Variants in BPIFB1 observed in about 807,000 individuals in gnomAD.
BPIFB1 encodes BPI fold-containing family B member 1.
Under a neutral mutation model 55.1 loss-of-function variants are expected in BPIFB1, and 34 were observed. The observed-to-expected ratio is 0.62, with a 90% CI of 0.47 to 0.82. The LOEUF (loss-of-function observed/expected upper bound fraction) is 0.82. BPIFB1 is among the 40% of genes least tolerant of loss of function. BPIFB1 has a pLI of 0.00. For synonymous variants in BPIFB1, 236 were observed against 245.3 expected (o/e 0.96, Z 0.35); for missense variants, 532 against 593.1 (o/e 0.90, Z 1.07).
intron 10 of BPIFB1, 98 bp from the exon 11 acceptor site, chr20:33,302,818 G>C: frequency 7.2e-7 from 1 of 1,389,980 alleles, no homozygotes; most frequent in Non-Finnish European, 1.0e-6. Flanking sequence ...TGAGGGAGCA[G>C]GGAGCCCAGG....
At position 33,309,819 on chromosome 20, in the gene BPIFB1, G is replaced by C; in HGVS notation, c.*52G>C. ...GGCTGGGTCCCAGCTGGGAGTATGG[G>C]TGTGAGCTCTATAGACCATCCCTCT... On this transcript the variant is annotated 3_prime_UTR_variant, in exon 16 of 16. Coordinates refer to ENST00000253354, the MANE Select transcript of BPIFB1 (RefSeq NM_033197.3). This position sits in a 1 kb window ranked among gnomAD's most constrained non-coding sequence, Gnocchi z 4.4. 6.6e-7 allele frequency: 1 copy of C among 1,504,016 alleles called. No homozygotes were observed. Among genetic ancestry groups the C allele is most frequent in the Non-Finnish European group, 9.2e-7 (1 of 1,081,112 alleles). 93.2% of individuals were successfully genotyped at this position (1,504,016 alleles called of 1,614,324 possible). A position where few individuals can be genotyped will look rare whatever the true frequency, so the allele number is the denominator to read the frequency against.
Position 33,304,871 on chromosome 20 carries a change from TC to T in BPIFB1, c.1235del (p.Ser412LeufsTer11). On this transcript the variant is annotated frameshift_variant, in exon 13 of 16. Coordinates refer to ENST00000253354, the MANE Select transcript of BPIFB1 (RefSeq NM_033197.3). LOFTEE classifies it high-confidence loss of function. Reference protein sequence around the residue: ...ISSDRIQLMNSGIGWFQPDVL... With the variant: ...ISSDRIQLMNXGIGWFQPDVL... ...CTCTGATCGGATCCAGCTGATGAAC[TC>T]TGGGATTGGCTGGTTCCAAGTAAGT... 6.2e-7 allele frequency: 1 copy of T among 1,614,170 alleles called. No individual in the cohort carries two copies. Among genetic ancestry groups the T allele is most frequent in the East Asian group, 2.2e-5 (1 of 44,882 alleles).
In BPIFB1 at chr20:33,301,409, T is replaced by C; in HGVS notation, c.924T>C (p.Ser308=). 1 of 1,613,152 alleles carries C rather than the reference T, an allele frequency of 6.2e-7. No homozygotes were observed. Residue 308 remains serine (S), a synonymous_variant, in exon 9 of 16, where the codon TCT becomes TCC. Coordinates refer to ENST00000253354, the MANE Select transcript of BPIFB1 (RefSeq NM_033197.3). ...SPEEFMVLLD[S]VLPESAHRLK... is the part of the protein sequence containing the mutation. ...AAGAATTCATGGTCCTGTTGGACTC[T>C]GTGGTAAACCTCAGCACAAGGCAGA...
rs200818724 is a variant in BPIFB1, at chr20:33,302,855, CAG to C, written c.982-58_982-57del. 206 of 1,590,168 alleles carry C rather than the reference CAG, an allele frequency of 1.3e-4. 1 individual carries two copies. The African/African-American group carries it at 1.9e-3, about 14-fold the overall frequency. ...AGGCAGGCAGGGGCCAGGCCACACA[CAG>C]AGCCTGTGGGCCATGGTGGGCACTT... On this transcript the variant is annotated intron_variant, in intron 10 of 15. Transcript: ENST00000253354.
chr20:33,289,435 G>A (rs1451724873), intron 3 of BPIFB1, among the ~76,000 whole-genome samples: 4 of 152,050 alleles, frequency 2.6e-5, no homozygotes, highest in African/African-American at 9.6e-5. Context: ...TGTCTGGGGT[G>A]GCACAGGGAA....
intron 6 of BPIFB1, among the ~76,000 whole-genome samples, chr20:33,294,940 C>T (rs977097088): frequency 6.6e-6 from 1 of 152,186 alleles, no homozygotes; most frequent in African/African-American, 2.4e-5. Context: ...TGAGGCCAGG[C>T]GCAGTGGCCC....
chr20:33,297,724 C>T, intron 7 of BPIFB1, 136 bp downstream of exon 7: 1 of 863,882 alleles, frequency 1.2e-6, no homozygotes. Context: ...AGACAAGCAT[C>T]AGTTGATCCC....
At position 33,297,560 on chromosome 20, in the gene BPIFB1, G is replaced by A. The variant is rs2146531317; in HGVS notation, c.633G>A (p.Met211Ile). ...TGATCGAGGCTTCCTTCAATGGCATGTATGCAGACCTCCTGCAGCTGGTGA... is the reference window on the plus strand; with the variant it reads ...TGATCGAGGCTTCCTTCAATGGCATATATGCAGACCTCCTGCAGCTGGTGA... Reference protein sequence around the residue: ...CPVIEASFNGMYADLLQLVKV... With the variant: ...CPVIEASFNGIYADLLQLVKV... The change falls in exon 7 of 16, where the codon ATG becomes ATA. Residue 211 changes from methionine to isoleucine, a missense_variant. By Grantham distance (10) the Met-to-Ile change is conservative (BLOSUM62 1). Coordinates refer to ENST00000253354, the MANE Select transcript of BPIFB1 (RefSeq NM_033197.3). 3 of 1,614,204 alleles carry A rather than the reference G, an allele frequency of 1.9e-6. No individual in the cohort carries two copies. Among genetic ancestry groups the A allele is most frequent in the Non-Finnish European group, 2.5e-6 (3 of 1,180,016 alleles).
Position 33,303,543 on chromosome 20 carries a change from G to A in BPIFB1, c.1141-415G>A, listed in dbSNP as rs563398317. On this transcript the variant is annotated intron_variant, in intron 11 of 15. Transcript: ENST00000253354. ...GCAGGAAGAACCTATCTTTCCAATA[G>A]TTCCAGCAAACATCTCAGGGCTGAC... Among the ~76,000 whole-genome samples, 13 of 152,274 alleles carry A rather than the reference G, an allele frequency of 8.5e-5. No individual in the cohort carries two copies. In the East Asian group the frequency reaches 1.5e-3, roughly 18 times the overall value.
chr20:33,299,675 A>G (rs1184752427), intron 7 of BPIFB1, among the ~76,000 whole-genome samples: 1 of 152,196 alleles, frequency 6.6e-6, no homozygotes, highest in Non-Finnish European at 1.5e-5. Context: ...TAACGTTATC[A>G]TGCAGATGAA....
rs141133504 is a variant in BPIFB1, at chr20:33,290,937, C to T, written c.366-20C>T. ...CGAGCTTGCCTGGTGCTCACATGGT[C>T]AGGTGCCTCCACCCGCTAGGCCCCT... On this transcript the variant is annotated intron_variant, in intron 4 of 15. Coordinates refer to ENST00000253354, the MANE Select transcript of BPIFB1 (RefSeq NM_033197.3). 3.4e-4 allele frequency: 549 copies of T among 1,612,126 alleles called. 3 individuals carry two copies. In the East Asian group the frequency reaches 0.01, roughly 30 times the overall value.
chr20:33,290,046 C>T, intron 4 of BPIFB1, 54 bp downstream of exon 4: 2 of 1,366,398 alleles, frequency 1.5e-6, no homozygotes, highest in Admixed American at 3.4e-5. Context: ...TCTGCTCGTT[C>T]CCCCTCCCCC....
Position 33,306,900 on chromosome 20 carries a change from T to A in BPIFB1, c.1319-11T>A, listed in dbSNP as rs751508261. The A allele has an allele frequency of 6.2e-6, 10 of 1,612,614 alleles. No homozygotes were observed. Among genetic ancestry groups the A allele is most frequent in the Non-Finnish European group, 8.5e-6 (10 of 1,178,560 alleles). On this transcript the variant is annotated splice_polypyrimidine_tract_variant and intron_variant, in intron 14 of 15. Transcript: ENST00000253354. ...AGGCCCATCAGTTTCTGACCACATT[T>A]GTTATTTCAGGCAAATTAAGATCTG...
intron 3 of BPIFB1, among the ~76,000 whole-genome samples, chr20:33,289,327 G>A (rs1037999988): frequency 2.0e-5 from 3 of 150,330 alleles, no homozygotes; most frequent in African/African-American, 4.9e-5. Flanking sequence ...GTTGCAGTGA[G>A]CTGAGATGGT....
chr20:33,309,746 C>T lies in BPIFB1; in HGVS notation c.1434C>T (p.Pro478=). 1 of 1,614,156 alleles carries T rather than the reference C, an allele frequency of 6.2e-7. No individual in the cohort carries two copies. Among genetic ancestry groups the T allele is most frequent in the East Asian group, 2.2e-5 (1 of 44,882 alleles). ...LVLTPASLWK[P]SSPVSQ ...TTACTCCAGCCTCCTTGTGGAAACC[C>T]AGCTCTCCTGTCTCCCAGTGAAGAC... Residue 478 remains proline (P), a synonymous_variant, in exon 16 of 16, where the codon CCC becomes CCT. Coordinates refer to ENST00000253354, the MANE Select transcript of BPIFB1 (RefSeq NM_033197.3). The surrounding 1 kb of genome is among the most constrained non-coding windows in gnomAD (Gnocchi z 4.4).
intron 1 of BPIFB1, among the ~76,000 whole-genome samples, chr20:33,283,925 T>C (rs565512269): frequency 2.4e-4 from 36 of 152,192 alleles, no homozygotes; most frequent in African/African-American, 7.0e-4. Context: ...TGTGTACAGA[T>C]AATGCAGGAC....
chr20:33,302,426 C>A lies in BPIFB1; in HGVS notation c.981+14C>A. The A allele has an allele frequency of 6.2e-7, 1 of 1,613,704 alleles. No homozygotes were observed. Among genetic ancestry groups the A allele is most frequent in the Non-Finnish European group, 8.5e-7 (1 of 1,179,842 alleles). ...ATCAATGAAAAGGTTGGTCTGTTTGCCATCTGCAGCTTGAGGGGTGTTTGC... is the reference window on the plus strand; with the variant it reads ...ATCAATGAAAAGGTTGGTCTGTTTGACATCTGCAGCTTGAGGGGTGTTTGC... On this transcript the variant is annotated intron_variant, in intron 10 of 15. Transcript: ENST00000253354.
intron 9 of BPIFB1, 52 bp downstream of exon 9, chr20:33,301,464 A>T: frequency 1.3e-6 from 2 of 1,551,670 alleles, no homozygotes; most frequent in Non-Finnish European, 1.8e-6. Flanking sequence ...ACATCATAGG[A>T]ATTTCCTGAA....
chr20:33,289,907 A>G lies in BPIFB1; in HGVS notation c.280A>G (p.Ile94Val), dbSNP rs61739245. 2 of 1,614,046 alleles carry G rather than the reference A, an allele frequency of 1.2e-6. No individual in the cohort carries two copies. The highest frequency in any genetic ancestry group is 1.3e-5 in the African/African-American group (1 of 74,928). The stretch of plus-strand genomic sequence containing the variant: ...CAGGCTGAAGGTCATCACAGCTAAC[A>G]TCCTCCAGCTGCAGGTGAAGCCCTC... Reference protein sequence around the residue: ...IIWLKVITANILQLQVKPSAN... With the variant: ...IIWLKVITANVLQLQVKPSAN... The change falls in exon 4 of 16, where the codon ATC (isoleucine) becomes GTC (valine). Residue 94 changes from isoleucine (I) to valine (V), a missense_variant. Physicochemically the swap from Ile to Val is conservative, Grantham distance 29 (BLOSUM62 3). Coordinates refer to ENST00000253354, the MANE Select transcript of BPIFB1 (RefSeq NM_033197.3).
Sources: allele counts gnomAD v4.1 joint callset (sites outside exome capture counted in the v4.1 genomes callset), GRCh38; gene constraint gnomAD v4.1.1; non-coding constraint Gnocchi (gnomAD v3.1); transcripts MANE v1.5; gene names NCBI Gene and HGNC (gene_info 2026-07-23, HGNC 2026-07-21).